The following FUBP3 variants were observed in gnomAD, a reference collection of about 807,000 sequenced individuals.
FUBP3 encodes far upstream element-binding protein 3.
Under a neutral mutation model 85.6 loss-of-function variants are expected in FUBP3, and 28 were observed. The observed-to-expected ratio is 0.33, with a 90% CI of 0.24 to 0.45. The LOEUF is 0.45. Ranked by LOEUF, FUBP3 falls within the 20% of genes least tolerant of loss-of-function variation. FUBP3 has a pLI of 1.00. For missense variants in FUBP3, 583 were observed against 755.1 expected, an observed-to-expected ratio of 0.77 and a Z score of 2.67; for synonymous variants, 271 against 271.4, an observed-to-expected ratio of 1.00 and a Z score of 0.01.
chr9:130,590,053 C>A (rs1439574329), intron 1 of FUBP3, among the ~76,000 whole-genome samples: 1 of 46,138 alleles, frequency 2.2e-5, no homozygotes, highest in Non-Finnish European at 3.7e-5. Flanking sequence ...TTTTTTTTTG[C>A]CTGTGACATA....
intron 1 of FUBP3, among the ~76,000 whole-genome samples, chr9:130,588,570 G>A (rs938625556): frequency 1.3e-5 from 2 of 152,118 alleles, no homozygotes; most frequent in African/African-American, 2.4e-5. Context: ...CTGTGCACCC[G>A]GCATTGTTTC....
chr9:130,607,158 G>A (rs2119059831), intron 2 of FUBP3, among the ~76,000 whole-genome samples: 1 of 151,346 alleles, frequency 6.6e-6, no homozygotes, highest in East Asian at 1.9e-4. Context: ...TTTTACTAGA[G>A]ACAGGGTTTT....
At chr9:130,625,245 C>T (rs1829923623) in intron 11 of FUBP3, among the ~76,000 whole-genome samples, 1 of 152,180 alleles carries the variant, frequency 6.6e-6, no homozygotes, top group African/African-American at 2.4e-5. Flanking sequence ...GCAGAGGCTG[C>T]GAGATGTTTG....
At chr9:130,619,587 C>T (rs1042795684) in intron 8 of FUBP3, among the ~76,000 whole-genome samples, 10 of 152,148 alleles carry the variant, frequency 6.6e-5, no homozygotes, top group Non-Finnish European at 1.5e-4. Context: ...AAATTGCTGA[C>T]GGGTTTGTTT....
chr9:130,606,684 G>A (rs1443777378), intron 2 of FUBP3, among the ~76,000 whole-genome samples: 3 of 152,068 alleles, frequency 2.0e-5, no homozygotes, highest in Admixed American at 6.5e-5. Flanking sequence ...GCCGGGCGTA[G>A]TGGCGCATGC....
chr9:130,591,726 T>A (rs1830633964), intron 1 of FUBP3, among the ~76,000 whole-genome samples: 1 of 152,168 alleles, frequency 6.6e-6, no homozygotes, highest in African/African-American at 2.4e-5. Context: ...TTTCCCAAAT[T>A]GTAGGTAATG....
chr9:130,579,882 C>A, intron 1 of FUBP3, 118 bp downstream of exon 1: 1 of 588,154 alleles, frequency 1.7e-6, no homozygotes, highest in Non-Finnish European at 2.5e-6. Flanking sequence ...TCAGCCGGGC[C>A]GGGCCGTTCC....
intron 2 of FUBP3, among the ~76,000 whole-genome samples, chr9:130,604,078 A>G (rs1831300828): frequency 6.6e-6 from 1 of 152,206 alleles, no homozygotes; most frequent in Admixed American, 6.5e-5. Flanking sequence ...TGCTGAGTAC[A>G]TCCAGCAACT....
rs529789937 is a variant in FUBP3 at position 130,616,224 on chromosome 9, G to C, written c.405-131G>C. ...GCAGAGAGACCTCCGGGTTGTGGGG[G>C]CAGGAGCTGGAGCTGGATGGAGGGC... is the stretch of plus-strand genomic sequence containing the variant. On this transcript the variant is annotated intron_variant, in intron 6 of 18. Transcript: ENST00000319725. This position sits in a 1 kb window ranked among gnomAD's most constrained non-coding sequence, Gnocchi z 4.7. 9.1e-6 allele frequency: 7 copies of C among 772,250 alleles called. No homozygotes were observed. Among genetic ancestry groups the C allele is most frequent in the South Asian group, 7.2e-5 (4 of 55,558 alleles). The allele number at this position is 772,250 out of a possible 1,614,324, so 47.8% of individuals were successfully genotyped here.
chr9:130,627,577 C>T (rs1830027829), intron 12 of FUBP3, among the ~76,000 whole-genome samples: 1 of 152,206 alleles, frequency 6.6e-6, no homozygotes, highest in South Asian at 2.1e-4. Context: ...TGCAAGAAAC[C>T]GTGTTGTCTT....
At chr9:130,606,784 C>T (rs1188627307) in intron 2 of FUBP3, among the ~76,000 whole-genome samples, 1 of 151,672 alleles carries the variant, frequency 6.6e-6, no homozygotes, top group African/African-American at 2.4e-5. Context: ...CACGCCTTTG[C>T]ACTCCAGCCT....
At chr9:130,618,235 A>T in intron 8 of FUBP3, among the ~76,000 whole-genome samples, 1 of 152,196 alleles carries the variant, frequency 6.6e-6, no homozygotes, top group Non-Finnish European at 1.5e-5. Flanking sequence ...TGCTGGTGGC[A>T]CGGCTCAGGA....
In FUBP3 at chr9:130,579,674, G is replaced by GA; in HGVS notation, c.-7_-6insA. 1 of 1,248,906 alleles carries GA rather than the reference G, an allele frequency of 8.0e-7. No individual in the cohort carries two copies. The highest frequency in any genetic ancestry group is 1.0e-6 in the Non-Finnish European group (1 of 994,660). The allele number at this position is 1,248,906 out of a possible 1,614,324, so 77.4% of individuals were successfully genotyped here. Reference sequence around the variant, plus strand: ...CGGCGGCGGCGGCGACGGCGGCGGGGGCGGTAATGGCGGAGCTGGTGCAGG... The same window carrying GA: ...CGGCGGCGGCGGCGACGGCGGCGGGGAGCGGTAATGGCGGAGCTGGTGCAGG... On this transcript the variant is annotated 5_prime_UTR_variant, in exon 1 of 19. Transcript: ENST00000319725.
At position 130,612,527 on chromosome 9, in the gene FUBP3, T is replaced by G. The variant is rs1831798344; in HGVS notation, c.274+22T>G. 2 of 1,441,238 alleles carry G rather than the reference T, an allele frequency of 1.4e-6. No individual in the cohort carries two copies. Among genetic ancestry groups the G allele is most frequent in the Non-Finnish European group, 1.9e-6 (2 of 1,026,438 alleles). 89.3% of individuals were successfully genotyped at this position (1,441,238 alleles called of 1,614,324 possible). A position where few individuals can be genotyped will look rare whatever the true frequency, so the allele number is the denominator to read the frequency against. On this transcript the variant is annotated intron_variant, in intron 4 of 18. Transcript: ENST00000319725. This position sits in a 1 kb window ranked among gnomAD's most constrained non-coding sequence, Gnocchi z 4.1. ...TTTAGTAAGTATCCATGTTGTCTAC[T>G]TTTTCCCTGATTCCTGTCTCTTCTT...
intron 2 of FUBP3, among the ~76,000 whole-genome samples, chr9:130,600,616 C>T (rs1266738560): frequency 6.6e-6 from 1 of 151,924 alleles, no homozygotes; most frequent in Non-Finnish European, 1.5e-5. Context: ...CCACCTCAGC[C>T]TCCTGGGTAG....
intron 1 of FUBP3, among the ~76,000 whole-genome samples, chr9:130,593,328 T>C (rs915002206): frequency 1.3e-5 from 2 of 152,236 alleles, no homozygotes; most frequent in South Asian, 2.1e-4. Context: ...GGCCTGGTAG[T>C]TCTCCTTCAC....
chr9:130,587,004 C>T (rs1271805358), intron 1 of FUBP3, among the ~76,000 whole-genome samples: 10 of 151,808 alleles, frequency 6.6e-5, no homozygotes, highest in South Asian at 4.2e-4. Context: ...CTGCCTCGGC[C>T]TCCCAAAGTG....
At chr9:130,602,530 T>C (rs1831207465) in intron 2 of FUBP3, among the ~76,000 whole-genome samples, 1 of 152,106 alleles carries the variant, frequency 6.6e-6, no homozygotes, top group South Asian at 2.1e-4. Flanking sequence ...GACCCCTGCC[T>C]GTGACCTGCA....
At chr9:130,595,677 C>A in intron 2 of FUBP3, 89 bp downstream of exon 2, 1 of 770,132 alleles carries the variant, frequency 1.3e-6, no homozygotes, top group Non-Finnish European at 2.4e-6. Flanking sequence ...TAACGACTCT[C>A]TGAAGTGTCA....
Sources: allele counts gnomAD v4.1 joint callset (sites outside exome capture counted in the v4.1 genomes callset), GRCh38; gene constraint gnomAD v4.1.1; non-coding constraint Gnocchi (gnomAD v3.1); transcripts MANE v1.5; gene names NCBI Gene and HGNC (gene_info 2026-07-23, HGNC 2026-07-21).